The following SPATA13 variants were observed in gnomAD, a reference collection of about 807,000 sequenced individuals.
The protein encoded by SPATA13 is spermatogenesis associated 13, also known as spermatogenesis-associated protein 13.
SPATA13 carries 50 observed loss-of-function variants against 104.0 expected under a neutral mutation model. The ratio of observed to expected loss-of-function variants is 0.48; its 90% confidence interval spans 0.38 to 0.61. The LOEUF is 0.61. SPATA13 is among the 20% of genes least tolerant of loss of function. The probability of loss-of-function intolerance (pLI) is 0.00; values close to 1 mark genes in which losing one functional copy is unlikely to be tolerated. For synonymous variants in SPATA13, 606 were observed against 667.5 expected (o/e 0.91, Z 1.42); for missense variants, 1,524 against 1,690.6 (o/e 0.90, Z 1.73).
In SPATA13 at chr13:24,297,528, C is replaced by T. The variant is rs1876869839; in HGVS notation, c.3376C>T (p.Arg1126Trp). 9 of 1,614,056 alleles carry T rather than the reference C, an allele frequency of 5.6e-6. No individual in the cohort carries two copies. The highest frequency in any genetic ancestry group is 4.4e-5 in the South Asian group (4 of 91,094). Residue 1126 changes from arginine to tryptophan, a missense_variant, in exon 11 of 13, where the codon CGG (arginine) becomes TGG (tryptophan). Coordinates refer to ENST00000382108, the MANE Select transcript of SPATA13 (RefSeq NM_001166271.3). ...LRRDMLYYKGRLDMDEMELVD... is the reference protein window; with the variant it reads ...LRRDMLYYKGWLDMDEMELVD... Reference sequence around the variant, plus strand: ...CAGGGACATGCTGTACTACAAGGGCCGGCTGGACATGGATGAGATGGAGCT... The same window carrying T: ...CAGGGACATGCTGTACTACAAGGGCTGGCTGGACATGGATGAGATGGAGCT...
chr13:23,997,335 T>A lies in SPATA13; in HGVS notation c.-147+13402T>A, dbSNP rs187896033. 5.9e-5 allele frequency among the ~76,000 whole-genome samples: 9 copies of A among 152,320 alleles called. No homozygotes were observed. In the East Asian group the frequency reaches 1.7e-3, roughly 29 times the overall value. On this transcript the variant is annotated intron_variant, in intron 2 of 14. Coordinates refer to the SPATA13 transcript ENST00000424834. The stretch of plus-strand genomic sequence containing the variant: ...CCAAAAGTAGAACACGCATGTCCCC[T>A]GTGATCCGACCGTCCCCATACCCAC...
chr13:24,292,194 C>T (rs1262615491), intron 9 of SPATA13, among the ~76,000 whole-genome samples: 1 of 152,238 alleles, frequency 6.6e-6, no homozygotes, highest in Admixed American at 6.5e-5. Flanking sequence ...CGTGCATGCA[C>T]AGAAGCCTTT....
chr13:24,257,221 C>T (rs1873832351), intron 4 of SPATA13, among the ~76,000 whole-genome samples: 2 of 152,180 alleles, frequency 1.3e-5, no homozygotes, highest in South Asian at 4.1e-4. Context: ...TTCAGATTAG[C>T]TTGCTTTTCT....
intron 7 of SPATA13, 74 bp from the exon 8 acceptor site, chr13:24,288,925 G>A: frequency 7.7e-7 from 1 of 1,302,962 alleles, no homozygotes; most frequent in Non-Finnish European, 1.0e-6. Context: ...ATGGCTTTAG[G>A]CCTACAAAAG....
At chr13:24,095,995 C>G (rs1240186040) in intron 3 of SPATA13, among the ~76,000 whole-genome samples, 1 of 152,224 alleles carries the variant, frequency 6.6e-6, no homozygotes, top group Non-Finnish European at 1.5e-5. Context: ...GTACCTACAC[C>G]TGCCTCTGAG....
chr13:24,183,167 A>G (rs1025109973), intron 1 of SPATA13, among the ~76,000 whole-genome samples: 15 of 152,190 alleles, frequency 9.9e-5, no homozygotes, highest in Admixed American at 9.8e-4. Context: ...AAACTTTTTC[A>G]TCTAATTTTC....
chr13:24,001,872 G>C (rs1460595058), intron 2 of SPATA13, among the ~76,000 whole-genome samples: 1 of 152,056 alleles, frequency 6.6e-6, no homozygotes, highest in Non-Finnish European at 1.5e-5. Context: ...GATTCAAACA[G>C]TGATTTCAGA....
At chr13:24,197,054 T>C (rs1027538676) in intron 1 of SPATA13, among the ~76,000 whole-genome samples, 1 of 152,140 alleles carries the variant, frequency 6.6e-6, no homozygotes, top group African/African-American at 2.4e-5. Context: ...CAACAGCAGG[T>C]GGCCAAATAA....
At chr13:24,232,956 A>G (rs1250175854) in intron 2 of SPATA13, among the ~76,000 whole-genome samples, 4 of 151,966 alleles carry the variant, frequency 2.6e-5, no homozygotes, top group African/African-American at 9.7e-5. Flanking sequence ...GATTACAAAG[A>G]TTTTCTTCTG....
chr13:24,161,029 G>C lies in SPATA13; in HGVS notation c.-112+97G>C. On this transcript the variant is annotated intron_variant, in intron 1 of 12. Transcript: ENST00000382108. The surrounding 1 kb of genome is among the most constrained non-coding windows in gnomAD (Gnocchi z 4.5). ...GATTTGAGTCCCAGTGGACTGCCTC[G>C]GGGCTTCGGGATGTCCAGCTCCCAG... 1.3e-6 allele frequency: 1 copy of C among 747,650 alleles called. No homozygotes were observed. Among genetic ancestry groups the C allele is most frequent in the Non-Finnish European group, 1.6e-6 (1 of 612,348 alleles). The allele number at this position is 747,650 out of a possible 1,614,324, so 46.3% of individuals were successfully genotyped here.
chr13:24,210,219 T>G (rs1228640686), intron 1 of SPATA13, among the ~76,000 whole-genome samples: 2 of 152,204 alleles, frequency 1.3e-5, no homozygotes, highest in African/African-American at 4.8e-5. Flanking sequence ...TGTTTTCTCC[T>G]ATTCCATGGG....
At chr13:24,166,370 G>A (rs887593158) in intron 1 of SPATA13, among the ~76,000 whole-genome samples, 4 of 152,136 alleles carry the variant, frequency 2.6e-5, no homozygotes, top group Non-Finnish European at 5.9e-5. Flanking sequence ...CCTGGAGGAG[G>A]AGCTGAGTCC....
At chr13:24,294,535 A>G (rs1876617352) in intron 9 of SPATA13, among the ~76,000 whole-genome samples, 1 of 152,182 alleles carries the variant, frequency 6.6e-6, no homozygotes, top group Non-Finnish European at 1.5e-5. Context: ...AGAATTCTGA[A>G]TTGCACTGGG....
At chr13:24,248,317 T>G (rs533919747) in intron 2 of SPATA13, among the ~76,000 whole-genome samples, 1 of 152,364 alleles carries the variant, frequency 6.6e-6, no homozygotes, top group East Asian at 1.9e-4. Context: ...ACCTGCTGTT[T>G]CCCAGGGAAT....
chr13:24,083,450 A>G (rs1442948094), intron 3 of SPATA13, among the ~76,000 whole-genome samples: 1 of 152,198 alleles, frequency 6.6e-6, no homozygotes, highest in African/African-American at 2.4e-5. Flanking sequence ...CAGGTGCTGC[A>G]GATCAGACCA....
chr13:24,228,749 A>C (rs1376587068), intron 2 of SPATA13, among the ~76,000 whole-genome samples: 1 of 152,364 alleles, frequency 6.6e-6, no homozygotes, highest in East Asian at 1.9e-4. Context: ...TTCTACTTAC[A>C]GGATTAAAGC....
intron 2 of SPATA13, among the ~76,000 whole-genome samples, chr13:23,989,756 T>C (rs2810697): frequency 0.9 from 137,482 of 152,214 alleles, 62,147 homozygotes; most frequent in East Asian, 0.92. Context: ...TAACCCCCAA[T>C]GTGATGGTAT....
intron 3 of SPATA13, among the ~76,000 whole-genome samples, chr13:24,102,319 A>G (rs1351049648): frequency 6.6e-6 from 1 of 152,002 alleles, no homozygotes; most frequent in Non-Finnish European, 1.5e-5. Flanking sequence ...CCATTTTTAA[A>G]TTGGGTTATT....
chr13:24,050,801 T>C (rs745439971), intron 3 of SPATA13, among the ~76,000 whole-genome samples: 61 of 152,200 alleles, frequency 4.0e-4, no homozygotes, highest in Non-Finnish European at 7.5e-4. Flanking sequence ...AGGTGCCTCA[T>C]GCCACCCACC....
Sources: gnomAD v4.1 joint callset for allele counts (sites outside exome capture counted in the v4.1 genomes callset) on GRCh38, gnomAD v4.1.1 for gene constraint, Gnocchi (gnomAD v3.1) non-coding constraint, MANE v1.5 for transcripts, NCBI Gene and HGNC (gene_info 2026-07-23, HGNC 2026-07-21) for gene names.